The following CADPS2 variants were observed in gnomAD, a reference collection of about 807,000 sequenced individuals.
CADPS2 encodes the protein calcium-dependent secretion activator 2.
In CADPS2, 93 loss-of-function variants were observed where a neutral mutation model predicts 172.5. The ratio of observed to expected loss-of-function variants is 0.54; its 90% confidence interval spans 0.46 to 0.64. The LOEUF is 0.64. Ranked by LOEUF, CADPS2 falls within the 30% of genes least tolerant of loss-of-function variation. The pLI is 0.00. For missense variants in CADPS2, 1,420 were observed against 1,565.9 expected (o/e 0.91, Z 1.57); for synonymous variants, 546 against 555.2 (o/e 0.98, Z 0.23).
At chr7:122,759,184 T>C (rs1466426284) in intron 1 of CADPS2, among the ~76,000 whole-genome samples, 3 of 152,138 alleles carry the variant, frequency 2.0e-5, no homozygotes, top group Admixed American at 2.0e-4. Context: ...GTGGAGCTTG[T>C]CTGTTTGGGT....
At chr7:122,841,677 A>C (rs1294329450) in intron 1 of CADPS2, among the ~76,000 whole-genome samples, 1 of 152,220 alleles carries the variant, frequency 6.6e-6, no homozygotes, top group East Asian at 1.9e-4. Flanking sequence ...AATATGCAAA[A>C]AATGTAGAAA....
At chr7:122,850,668 C>T (rs1447539835) in intron 1 of CADPS2, among the ~76,000 whole-genome samples, 1 of 152,172 alleles carries the variant, frequency 6.6e-6, no homozygotes, top group Non-Finnish European at 1.5e-5. Context: ...TCTGGGGGTC[C>T]CCCATCCCCA....
chr7:122,814,370 AG>A (rs1261638114), intron 1 of CADPS2, among the ~76,000 whole-genome samples: 1 of 152,102 alleles, frequency 6.6e-6, no homozygotes, highest in Non-Finnish European at 1.5e-5. Context: ...GATTACTCAG[AG>A]AAGCATCTGA....
intron 25 of CADPS2, among the ~76,000 whole-genome samples, chr7:122,366,610 T>TAC (rs200926726): frequency 0.13 from 15,854 of 125,944 alleles, 990 homozygotes; most frequent in Non-Finnish European, 0.16. Flanking sequence ...ATCTCAAAAA[T>TAC]ACACACACAC....
chr7:122,417,549 T>C (rs2048072313), intron 17 of CADPS2, among the ~76,000 whole-genome samples: 1 of 152,190 alleles, frequency 6.6e-6, no homozygotes, highest in South Asian at 2.1e-4. Flanking sequence ...TAGACATGAA[T>C]GATCAAATGT....
intron 18 of CADPS2, among the ~76,000 whole-genome samples, 182 bp from the exon 19 acceptor site, chr7:122,414,258 G>A (rs1447550170): frequency 1.3e-5 from 2 of 152,046 alleles, no homozygotes; most frequent in African/African-American, 4.8e-5. Flanking sequence ...TAGTAAATAA[G>A]ATATACATTT....
intron 14 of CADPS2, among the ~76,000 whole-genome samples, chr7:122,463,458 A>T (rs2152110104): frequency 6.6e-6 from 1 of 152,230 alleles, no homozygotes; most frequent in Admixed American, 6.5e-5. Flanking sequence ...ATATTTTAAA[A>T]CGTACTTATA....
At chr7:122,707,745 GATA>G (rs1432419044) in intron 2 of CADPS2, among the ~76,000 whole-genome samples, 1 of 151,396 alleles carries the variant, frequency 6.6e-6, no homozygotes, top group African/African-American at 2.4e-5. Flanking sequence ...GAGTACTAAT[GATA>G]ATATTTTTCT....
chr7:122,379,212 C>A, intron 25 of CADPS2, 156 bp downstream of exon 25: 1 of 507,676 alleles, frequency 2.0e-6, no homozygotes, highest in South Asian at 3.1e-5. Flanking sequence ...TGTTCCTAAC[C>A]TTTTTTTGCT....
intron 2 of CADPS2, among the ~76,000 whole-genome samples, chr7:122,721,893 G>A (rs544439176): frequency 2.0e-4 from 30 of 151,992 alleles, no homozygotes; most frequent in Admixed American, 8.5e-4. Context: ...CAATATACGC[G>A]AATCAATAAA....
rs1438489868 is a variant in CADPS2 at position 122,866,318 on chromosome 7, A to G, written c.339+19681T>C. On this transcript the variant is annotated intron_variant, in intron 1 of 29. Transcript: ENST00000449022. ...ACTTTAACCATTGCTATAGTCTCCAAATTGGTCTTTCTTCTTCTACTCTTG... is the reference window on the plus strand; with the variant it reads ...ACTTTAACCATTGCTATAGTCTCCAGATTGGTCTTTCTTCTTCTACTCTTG... Among the ~76,000 whole-genome samples the G allele has an allele frequency of 2.6e-5, 4 of 152,104 alleles. No individual in the cohort carries two copies. In the East Asian group the frequency reaches 5.8e-4, roughly 22 times the overall value.
chr7:122,530,456 G>A (rs887666330), intron 8 of CADPS2, among the ~76,000 whole-genome samples: 5 of 151,642 alleles, frequency 3.3e-5, no homozygotes, highest in Non-Finnish European at 5.9e-5. Flanking sequence ...CTCTACTAAT[G>A]TTGTTAAAAT....
intron 1 of CADPS2, among the ~76,000 whole-genome samples, chr7:122,866,130 T>A (rs2141382965): frequency 6.6e-6 from 1 of 152,348 alleles, no homozygotes; most frequent in Middle Eastern, 3.4e-3. Flanking sequence ...TTTAACCACA[T>A]AAACATATTT....
At chr7:122,815,444 C>T (rs143569966) in intron 1 of CADPS2, among the ~76,000 whole-genome samples, 183 of 152,190 alleles carry the variant, frequency 1.2e-3, no homozygotes, top group African/African-American at 4.1e-3. Context: ...AAAAGTTCAT[C>T]CACAATTTGT....
chr7:122,378,619 G>A (rs1421635696), intron 25 of CADPS2: 1 of 152,064 alleles, frequency 6.6e-6, no homozygotes, highest in Non-Finnish European at 1.5e-5. Flanking sequence ...TTATGAAGAA[G>A]CCTGATTTGG....
intron 9 of CADPS2, among the ~76,000 whole-genome samples, chr7:122,502,465 T>C (rs1197880140): frequency 2.0e-5 from 3 of 152,022 alleles, no homozygotes; most frequent in Admixed American, 6.5e-5. Flanking sequence ...TTTTATACTA[T>C]AATAGTTTCT....
At chr7:122,866,858 T>C (rs1464908677) in intron 1 of CADPS2, among the ~76,000 whole-genome samples, 1 of 152,106 alleles carries the variant, frequency 6.6e-6, no homozygotes, top group Non-Finnish European at 1.5e-5. Flanking sequence ...ATTCCGAACA[T>C]CTTACCACGG....
At chr7:122,814,207 G>A (rs1047327464) in intron 1 of CADPS2, among the ~76,000 whole-genome samples, 3 of 142,294 alleles carry the variant, frequency 2.1e-5, no homozygotes, top group African/African-American at 7.9e-5. Context: ...TCAAGCAGAG[G>A]TTTTGATGGT....
At chr7:122,878,935 C>T (rs1822088721) in intron 1 of CADPS2, among the ~76,000 whole-genome samples, 1 of 151,970 alleles carries the variant, frequency 6.6e-6, no homozygotes, top group African/African-American at 2.4e-5. Context: ...AGTAGAGATT[C>T]ATCAAAAGTC....
Sources: allele counts gnomAD v4.1 joint callset (sites outside exome capture counted in the v4.1 genomes callset), GRCh38; gene constraint gnomAD v4.1.1; transcripts MANE v1.5; gene names NCBI Gene and HGNC (gene_info 2026-07-23, HGNC 2026-07-21).